Variants in ABTB3 observed in about 807,000 individuals in gnomAD.
ABTB3 encodes ankyrin repeat- and BTB/POZ domain-containing protein 3.
the ABTB3 span, among the ~76,000 whole-genome samples, chr12:107,503,025 TC>T: frequency 1.4e-4 from 21 of 152,094 alleles, no homozygotes; most frequent in Non-Finnish European, 2.8e-4. Context: ...TACTTACAGT[TC>T]CCAAGAGGAG....
chr12:107,620,216 G>C, the ABTB3 span: 1 of 1,596,806 alleles, frequency 6.3e-7, no homozygotes, highest in South Asian at 1.1e-5. Flanking sequence ...AAAGCTGGAG[G>C]TTCCCAGATC....
chr12:107,535,063 T>C, the ABTB3 span, among the ~76,000 whole-genome samples: 2 of 152,136 alleles, frequency 1.3e-5, no homozygotes, highest in African/African-American at 4.8e-5. Flanking sequence ...GCAAAGCAAA[T>C]TCAGCAGCAC....
chr12:107,606,327 A>G, the ABTB3 span, among the ~76,000 whole-genome samples: 2 of 152,210 alleles, frequency 1.3e-5, no homozygotes, highest in African/African-American at 2.4e-5. Flanking sequence ...GCTTCCTGTA[A>G]TAACAATTAT....
At chr12:107,608,932 T>G in the ABTB3 span, among the ~76,000 whole-genome samples, 1 of 87,766 alleles carries the variant, frequency 1.1e-5, no homozygotes, top group African/African-American at 5.4e-5. Context: ...TAAAATAAAA[T>G]AAAATAAAAT....
At chr12:107,561,492 C>A in the ABTB3 span, among the ~76,000 whole-genome samples, 1 of 152,106 alleles carries the variant, frequency 6.6e-6, no homozygotes, top group Non-Finnish European at 1.5e-5. Flanking sequence ...AACAGATACA[C>A]AAGTATAATT....
chr12:107,371,069 A>C, the ABTB3 span, among the ~76,000 whole-genome samples: 2 of 151,860 alleles, frequency 1.3e-5, no homozygotes, highest in African/African-American at 4.8e-5. Flanking sequence ...ATAGCCCATC[A>C]GAACATGCTT....
chr12:107,581,232 T>C, the ABTB3 span: 13 of 1,531,998 alleles, frequency 8.5e-6, no homozygotes, highest in South Asian at 1.2e-5. Context: ...AGCTTCTCCA[T>C]GGACAGCGAC....
the ABTB3 span, chr12:107,319,221 T>C: frequency 6.3e-7 from 1 of 1,579,806 alleles, no homozygotes; most frequent in Non-Finnish European, 8.6e-7. Context: ...CTGCCGGACC[T>C]AGACGAGGTC....
At chr12:107,597,617 G>A in the ABTB3 span, among the ~76,000 whole-genome samples, 1 of 152,196 alleles carries the variant, frequency 6.6e-6, no homozygotes, top group Non-Finnish European at 1.5e-5. Flanking sequence ...TAGTTTTGGT[G>A]GGGACATCCA....
chr12:107,599,757 C>T, the ABTB3 span, among the ~76,000 whole-genome samples: 1 of 152,026 alleles, frequency 6.6e-6, no homozygotes, highest in African/African-American at 2.4e-5. Flanking sequence ...GATACTGGAG[C>T]CCAATAAATA....
the ABTB3 span, among the ~76,000 whole-genome samples, chr12:107,386,033 G>GTT: frequency 0.55 from 82,800 of 151,882 alleles, 23,003 homozygotes; most frequent in East Asian, 0.7. Flanking sequence ...GGTTCTCTGG[G>GTT]TTAGTTCCTC....
chr12:107,502,304 A>C, the ABTB3 span, among the ~76,000 whole-genome samples: 1 of 151,850 alleles, frequency 6.6e-6, no homozygotes, highest in Non-Finnish European at 1.5e-5. Context: ...TCCTGACCTA[A>C]AGTGATCTGC....
the ABTB3 span, among the ~76,000 whole-genome samples, chr12:107,343,765 A>AG: frequency 6.6e-6 from 1 of 152,212 alleles, no homozygotes; most frequent in Admixed American, 6.5e-5. Context: ...CAGAAGACGA[A>AG]GGGGAAGCAG....
At chr12:107,321,765 C>A in the ABTB3 span, among the ~76,000 whole-genome samples, 1 of 152,124 alleles carries the variant, frequency 6.6e-6, no homozygotes, top group African/African-American at 2.4e-5. Flanking sequence ...TGAAACCCTA[C>A]CTCCACCAAA....
the ABTB3 span, among the ~76,000 whole-genome samples, chr12:107,638,957 C>T: frequency 3.7e-4 from 56 of 152,304 alleles, no homozygotes; most frequent in Non-Finnish European, 7.1e-4. Flanking sequence ...TACATCATAG[C>T]ATGATGAGGC....
the ABTB3 span, among the ~76,000 whole-genome samples, chr12:107,503,574 A>G: frequency 6.6e-6 from 1 of 151,824 alleles, no homozygotes; most frequent in African/African-American, 2.4e-5. Flanking sequence ...CCTGGACAAC[A>G]TGATGAGACC....
the ABTB3 span, among the ~76,000 whole-genome samples, chr12:107,511,076 G>A: frequency 6.6e-6 from 1 of 152,162 alleles, no homozygotes; most frequent in Admixed American, 6.5e-5. Flanking sequence ...AAATGTGTTT[G>A]CTATGCCCAA....
the ABTB3 span, among the ~76,000 whole-genome samples, chr12:107,469,982 T>C: frequency 1.3e-3 from 88 of 68,950 alleles, 1 homozygote; most frequent in Middle Eastern, 6.3e-3. Flanking sequence ...CTTTCTTTCT[T>C]TCTTTCTTTC....
the ABTB3 span, among the ~76,000 whole-genome samples, chr12:107,398,870 A>G: frequency 6.6e-6 from 1 of 152,240 alleles, no homozygotes; most frequent in South Asian, 2.1e-4. Context: ...TCAGTAAACC[A>G]GTAAGAGTGC....
Sources: gnomAD v4.1 joint callset for allele counts (sites outside exome capture counted in the v4.1 genomes callset) on GRCh38, gnomAD v4.1.1 for gene constraint, MANE v1.5 for transcripts, NCBI Gene and HGNC (gene_info 2026-07-23, HGNC 2026-07-21) for gene names.